Variants in TMEM117 observed in about 807,000 individuals in gnomAD.
TMEM117 encodes the protein transmembrane protein 117.
A neutral mutation model predicts 52.4 loss-of-function variants in TMEM117; 27 were observed. The ratio of observed to expected loss-of-function variants is 0.51; its 90% CI spans 0.38 to 0.71. TMEM117 has a LOEUF of 0.71. Ranked by LOEUF, TMEM117 falls within the 30% of genes least tolerant of loss-of-function variation. The pLI, the probability that TMEM117 is intolerant of heterozygous loss-of-function variation, is 0.00. For missense variants in TMEM117, 556 were observed against 630.5 expected (o/e 0.88, Z 1.26); for synonymous variants, 215 against 206.3 (o/e 1.04, Z -0.36).
intron 3 of TMEM117, among the ~76,000 whole-genome samples, chr12:44,074,577 A>G (rs1308300729): frequency 6.6e-6 from 1 of 152,150 alleles, no homozygotes; most frequent in African/African-American, 2.4e-5. Context: ...GAGATACATA[A>G]CTTCCGTAAG....
chr12:43,895,489 A>G (rs1944184384), intron 2 of TMEM117, among the ~76,000 whole-genome samples: 1 of 152,172 alleles, frequency 6.6e-6, no homozygotes, highest in African/African-American at 2.4e-5. Context: ...ATATTTGAAT[A>G]GTTTTACAGT....
chr12:44,151,850 A>ATATAATATTATATTTAATATATTATATAT (rs1948730283), intron 4 of TMEM117, among the ~76,000 whole-genome samples: 1 of 137,092 alleles, frequency 7.3e-6, no homozygotes, highest in South Asian at 2.1e-4. Flanking sequence ...TATATATAAT[A>ATATAATATTATATTTAATATATTATATAT]TATAATATTA....
chr12:44,114,628 C>G (rs550896540), intron 3 of TMEM117, among the ~76,000 whole-genome samples: 6 of 152,138 alleles, frequency 3.9e-5, no homozygotes, highest in African/African-American at 1.4e-4. Context: ...GCTTTGTTTT[C>G]TCCATCTAGT....
Position 43,879,805 on chromosome 12 carries a change from T to C in TMEM117, c.277+34877T>C, listed in dbSNP as rs568980286. Among the ~76,000 whole-genome samples, 6 of 152,344 alleles carry C rather than the reference T, an allele frequency of 3.9e-5. No homozygotes were observed. In the East Asian group the frequency reaches 1.2e-3, roughly 29 times the overall value. On this transcript the variant is annotated intron_variant, in intron 2 of 7. Transcript: ENST00000266534. ...TCTATCTCCAGGCCTTCCTGTGTTA[T>C]CTTGAATAATTGAGAGTGTACTCGT...
chr12:43,802,588 G>GA, the TMEM117 span: 1 of 731,350 alleles, frequency 1.4e-6, no homozygotes, highest in South Asian at 1.9e-5. Context: ...TCAAAAAGTT[G>GA]AAAAGAAAAA....
intron 2 of TMEM117, among the ~76,000 whole-genome samples, chr12:43,852,026 C>T (rs1242941263): frequency 6.6e-6 from 1 of 150,892 alleles, no homozygotes; most frequent in Non-Finnish European, 1.5e-5. Context: ...CAGCTGGGCG[C>T]GGTGGCTCAC....
intron 3 of TMEM117, among the ~76,000 whole-genome samples, chr12:44,061,447 C>T (rs896743658): frequency 2.6e-5 from 4 of 152,106 alleles, no homozygotes; most frequent in African/African-American, 7.2e-5. Flanking sequence ...AAAGACTGGT[C>T]TCAGCACTCT....
chr12:44,291,733 T>C (rs550401194), intron 5 of TMEM117, among the ~76,000 whole-genome samples: 1 of 152,228 alleles, frequency 6.6e-6, no homozygotes, highest in East Asian at 1.9e-4. Flanking sequence ...AAATGCTTTC[T>C]CTGCATTTGA....
intron 2 of TMEM117, among the ~76,000 whole-genome samples, chr12:43,862,361 G>A (rs1456671268): frequency 6.6e-6 from 1 of 152,074 alleles, no homozygotes; most frequent in African/African-American, 2.4e-5. Flanking sequence ...GTAGAGACAG[G>A]GTTTCACCAT....
At chr12:44,164,409 CT>C (rs1160877685) in intron 4 of TMEM117, among the ~76,000 whole-genome samples, 1 of 152,094 alleles carries the variant, frequency 6.6e-6, no homozygotes, top group Non-Finnish European at 1.5e-5. Flanking sequence ...ATTCTTATGC[CT>C]TTTCATCCTC....
intron 5 of TMEM117, among the ~76,000 whole-genome samples, chr12:44,285,460 A>G (rs1468567361): frequency 1.3e-5 from 2 of 152,168 alleles, no homozygotes; most frequent in Non-Finnish European, 2.9e-5. Context: ...TGGCCAAAAA[A>G]CAGCAGCAGC....
chr12:44,122,911 C>G (rs1314259886), intron 3 of TMEM117, among the ~76,000 whole-genome samples: 2 of 152,156 alleles, frequency 1.3e-5, no homozygotes, highest in Non-Finnish European at 2.9e-5. Flanking sequence ...ATTGGTATCC[C>G]TTTTGGTATG....
chr12:44,182,831 G>A (rs1949223228), intron 4 of TMEM117, among the ~76,000 whole-genome samples: 1 of 152,054 alleles, frequency 6.6e-6, no homozygotes, highest in African/African-American at 2.4e-5. Context: ...CCTCCATCTT[G>A]TATGCAGAAA....
intron 2 of TMEM117, among the ~76,000 whole-genome samples, chr12:43,891,771 A>T (rs1357002625): frequency 6.6e-6 from 1 of 152,038 alleles, no homozygotes; most frequent in Non-Finnish European, 1.5e-5. Flanking sequence ...TAAAACTACC[A>T]TACTCATATT....
intron 3 of TMEM117, among the ~76,000 whole-genome samples, chr12:44,093,898 G>A (rs1947714008): frequency 6.6e-6 from 1 of 151,922 alleles, no homozygotes; most frequent in Admixed American, 6.6e-5. Context: ...ATATCATTGT[G>A]CATGATTTAG....
At chr12:43,937,647 G>A (rs973298775) in intron 2 of TMEM117, among the ~76,000 whole-genome samples, 5 of 152,104 alleles carry the variant, frequency 3.3e-5, no homozygotes, top group African/African-American at 1.2e-4. Flanking sequence ...AGAACTGAAC[G>A]GCTCAGAGGG....
intron 2 of TMEM117, among the ~76,000 whole-genome samples, chr12:43,887,138 C>T (rs534524205): frequency 3.3e-4 from 50 of 152,272 alleles, no homozygotes; most frequent in African/African-American, 8.4e-4. Flanking sequence ...TGTGTGCCAC[C>T]GTGCCTGGCC....
chr12:44,351,420 G>T (rs2138780020), intron 6 of TMEM117, among the ~76,000 whole-genome samples: 1 of 152,008 alleles, frequency 6.6e-6, no homozygotes, highest in South Asian at 2.1e-4. Context: ...TATTGCTCAA[G>T]AAAATTTTTC....
chr12:43,927,243 A>G (rs529566108), intron 2 of TMEM117, among the ~76,000 whole-genome samples: 1 of 152,098 alleles, frequency 6.6e-6, no homozygotes, highest in African/African-American at 2.4e-5. Flanking sequence ...AATTGATTAC[A>G]TTTGTTTGGA....
Sources: allele counts gnomAD v4.1 joint callset (sites outside exome capture counted in the v4.1 genomes callset), GRCh38; gene constraint gnomAD v4.1.1; transcripts MANE v1.5; gene names NCBI Gene and HGNC (gene_info 2026-07-23, HGNC 2026-07-21).